The following GLIS1 variants were observed in gnomAD, a reference collection of about 807,000 sequenced individuals.
GLIS1 encodes zinc finger protein GLIS1.
Under a neutral mutation model 63.8 loss-of-function variants are expected in GLIS1, and 24 were observed. The ratio of observed to expected loss-of-function variants is 0.38; its 90% CI spans 0.27 to 0.53. The LOEUF is 0.53. GLIS1 is among the 20% of genes least tolerant of loss of function. GLIS1 has a pLI of 0.85. For synonymous variants in GLIS1, 450 were observed against 482.5 expected (o/e 0.93, Z 0.88); for missense variants, 1,036 against 1,074.1 (o/e 0.96, Z 0.50).
intron 2 of GLIS1, among the ~76,000 whole-genome samples, chr1:53,647,651 C>T (rs1021649845): frequency 9.9e-5 from 15 of 150,856 alleles, no homozygotes; most frequent in Admixed American, 9.8e-4. Context: ...GTATAGGAGA[C>T]TATTTTCACA....
chr1:53,607,159 G>C (rs1218153336), intron 2 of GLIS1, among the ~76,000 whole-genome samples: 2 of 152,166 alleles, frequency 1.3e-5, no homozygotes, highest in East Asian at 3.8e-4. Context: ...CACCTATAAG[G>C]CTAGCAGCCA....
At position 53,600,109 on chromosome 1, in the gene GLIS1, G is replaced by A. The variant is rs1645300818; in HGVS notation, c.429C>T (p.His143=). 4.1e-6 allele frequency: 5 copies of A among 1,230,178 alleles called. No homozygotes were observed. The South Asian group carries it at 1.2e-4, about 30-fold the overall frequency. The allele number at this position is 1,230,178 out of a possible 1,614,324, so 76.2% of individuals were successfully genotyped here. Residue 143 remains histidine (H), a synonymous_variant, in exon 3 of 11, where the codon CAC becomes CAT. Transcript: ENST00000628545. ...QACERLLHFP[H]PDRSPRPQAT... ...CAGCTGCCCACACCTACCTGTCAGG[G>A]TGGGGGAAATGCAGCAGCCTCTCAC... is the stretch of plus-strand genomic sequence containing the variant.
rs763360544 is a variant in GLIS1 at position 53,560,946 on chromosome 1, G to A, written c.1321-30994C>T. On this transcript the variant is annotated intron_variant, in intron 4 of 10. Transcript: ENST00000628545. This position sits in a 1 kb window ranked among gnomAD's most constrained non-coding sequence, Gnocchi z 4.4. ...CAGGCAGAGCTCCAGAGAGGAGGCC[G>A]GGCCCACACTGGATGTCCGCTCCCT... Among the ~76,000 whole-genome samples the A allele has an allele frequency of 3.3e-5, 5 of 152,138 alleles. No individual in the cohort carries two copies. Among genetic ancestry groups the A allele is most frequent in the African/African-American group, 9.7e-5 (4 of 41,424 alleles).
intron 2 of GLIS1, among the ~76,000 whole-genome samples, chr1:53,664,413 A>G (rs1224416497): frequency 6.6e-6 from 1 of 152,272 alleles, no homozygotes; most frequent in African/African-American, 2.4e-5. Flanking sequence ...AAATGGACAT[A>G]TGAATTCTCT....
chr1:53,731,449 G>A lies in GLIS1; in HGVS notation c.259+6357C>T, dbSNP rs571664957. Among the ~76,000 whole-genome samples the A allele has an allele frequency of 4.6e-4, 70 of 152,290 alleles. 1 individual carries two copies. The highest frequency in any genetic ancestry group is 1.6e-3 in the African/African-American group (67 of 41,570). Reference sequence around the variant, plus strand: ...TTCCTTTGGGCTTCCTTGGGGGCGCGCAGCTCTCTAGAGCCGCATCCTCTC... The same window carrying A: ...TTCCTTTGGGCTTCCTTGGGGGCGCACAGCTCTCTAGAGCCGCATCCTCTC... On this transcript the variant is annotated intron_variant, in intron 2 of 10. Coordinates refer to ENST00000628545, the MANE Select transcript of GLIS1 (RefSeq NM_001367484.1).
chr1:53,543,627 C>T (rs1474521721), intron 4 of GLIS1, among the ~76,000 whole-genome samples: 1 of 152,200 alleles, frequency 6.6e-6, no homozygotes, highest in Non-Finnish European at 1.5e-5. Context: ...CTAAATGTTT[C>T]CATGTCAACA....
intron 4 of GLIS1, among the ~76,000 whole-genome samples, chr1:53,533,244 T>C (rs1644548894): frequency 6.6e-6 from 1 of 152,202 alleles, no homozygotes; most frequent in Admixed American, 6.5e-5. Flanking sequence ...AGGTTTTCCC[T>C]GCACAGCCAT....
rs1646543015 is a variant in GLIS1, at chr1:53,703,226, C to G, written c.259+34580G>C. The stretch of plus-strand genomic sequence containing the variant: ...CCACTTTATTTTCACCACCACTCTA[C>G]AAAGTAGGTACTATTATTATCTCTA... On this transcript the variant is annotated intron_variant, in intron 2 of 10. Coordinates refer to ENST00000628545, the MANE Select transcript of GLIS1 (RefSeq NM_001367484.1). Among the ~76,000 whole-genome samples the G allele has an allele frequency of 5.3e-5, 8 of 152,326 alleles. No individual in the cohort carries two copies. In the South Asian group the frequency reaches 1.7e-3, roughly 32 times the overall value.
At chr1:53,688,821 A>AT (rs1320822023) in intron 2 of GLIS1, 1 of 152,170 alleles carries the variant, frequency 6.6e-6, no homozygotes, top group South Asian at 2.1e-4. Context: ...TCGTTTTTCA[A>AT]TTTTTACTGA....
chr1:53,637,980 C>A (rs1366208354), intron 2 of GLIS1, among the ~76,000 whole-genome samples: 1 of 152,224 alleles, frequency 6.6e-6, no homozygotes, highest in Non-Finnish European at 1.5e-5. Flanking sequence ...CAGCTGGACA[C>A]CCATGGGAGA....
chr1:53,526,091 C>T lies in GLIS1; in HGVS notation c.1483-1204G>A, dbSNP rs1257149250. Among the ~76,000 whole-genome samples, 1 of 152,192 alleles carries T rather than the reference C, an allele frequency of 6.6e-6. No individual in the cohort carries two copies. The highest frequency in any genetic ancestry group is 1.5e-5 in the Non-Finnish European group (1 of 68,034). On this transcript the variant is annotated intron_variant, in intron 5 of 10. Coordinates refer to ENST00000628545, the MANE Select transcript of GLIS1 (RefSeq NM_001367484.1). This position sits in a 1 kb window ranked among gnomAD's most constrained non-coding sequence, Gnocchi z 4.4. ...CCCTTTGCGGACACGTCTAGTGCTT[C>T]CGCTCTCTTAGAAGCCTCTGCCCTG...
At position 53,651,128 on chromosome 1, in the gene GLIS1, TAATA is replaced by T. The variant is rs1162672651; in HGVS notation, c.260-50854_260-50851del. On this transcript the variant is annotated intron_variant, in intron 2 of 10. Transcript: ENST00000628545. Reference sequence around the variant, plus strand: ...AAAGTTTAAGTGCATCGTATGCTTATAATAAATAGTTTGCACAAAATTATTCATT... The same window carrying T: ...AAAGTTTAAGTGCATCGTATGCTTATAATAGTTTGCACAAAATTATTCATT... Among the ~76,000 whole-genome samples, 5 of 152,246 alleles carry T rather than the reference TAATA, an allele frequency of 3.3e-5. No individual in the cohort carries two copies. In the South Asian group the frequency reaches 6.2e-4, roughly 19 times the overall value.
At chr1:53,576,966 A>G (rs1031976631) in intron 4 of GLIS1, among the ~76,000 whole-genome samples, 1 of 151,790 alleles carries the variant, frequency 6.6e-6, no homozygotes, top group Admixed American at 6.6e-5. Context: ...CCCTGACCCC[A>G]GGGCTTTTCC....
intron 2 of GLIS1, among the ~76,000 whole-genome samples, chr1:53,600,710 C>A (rs921590751): frequency 4.6e-5 from 7 of 152,266 alleles, no homozygotes; most frequent in Admixed American, 4.6e-4. Context: ...TGCGCTGCTG[C>A]CCACAGGCTG....
chr1:53,667,930 C>A (rs1290732201), intron 2 of GLIS1, among the ~76,000 whole-genome samples: 1 of 152,198 alleles, frequency 6.6e-6, no homozygotes, highest in East Asian at 1.9e-4. Context: ...CAATAGTTCT[C>A]TACTGCCCTT....
chr1:53,580,503 C>T (rs1245748732), intron 4 of GLIS1, among the ~76,000 whole-genome samples: 4 of 152,118 alleles, frequency 2.6e-5, no homozygotes, highest in African/African-American at 7.2e-5. Flanking sequence ...TTTGAGGAAT[C>T]GCAGGAACTA....
At chr1:53,663,160 C>T (rs1646047688) in intron 2 of GLIS1, among the ~76,000 whole-genome samples, 1 of 152,242 alleles carries the variant, frequency 6.6e-6, no homozygotes, top group Non-Finnish European at 1.5e-5. Flanking sequence ...CCAGCACCTC[C>T]CATCTCAGCC....
At chr1:53,665,797 G>A (rs1646084980) in intron 2 of GLIS1, among the ~76,000 whole-genome samples, 1 of 152,174 alleles carries the variant, frequency 6.6e-6, no homozygotes, top group Admixed American at 6.5e-5. Context: ...TTTTAAGGAG[G>A]GAGTGAGTGT....
chr1:53,630,593 T>C (rs1485865283), intron 2 of GLIS1, among the ~76,000 whole-genome samples: 2 of 152,108 alleles, frequency 1.3e-5, no homozygotes, highest in Admixed American at 6.6e-5. Flanking sequence ...CCTCCCGGGT[T>C]CAAGCAATTC....
Sources: gnomAD v4.1 joint callset for allele counts (sites outside exome capture counted in the v4.1 genomes callset) on GRCh38, gnomAD v4.1.1 for gene constraint, Gnocchi (gnomAD v3.1) non-coding constraint, MANE v1.5 for transcripts, NCBI Gene and HGNC (gene_info 2026-07-23, HGNC 2026-07-21) for gene names.